Variants in AHNAK observed in about 807,000 individuals in gnomAD.
AHNAK encodes neuroblast differentiation-associated protein AHNAK.
Under a neutral mutation model 37.8 loss-of-function variants are expected in AHNAK, and 23 were observed. That is an observed-to-expected ratio of 0.61 (90% CI 0.44 to 0.86). The LOEUF (loss-of-function observed/expected upper bound fraction) is 0.86, where lower values mean the gene tolerates loss of function less well. Ranked by LOEUF, AHNAK falls within the 40% of genes least tolerant of loss-of-function variation. The pLI, the probability that AHNAK is intolerant of heterozygous loss-of-function variation, is 0.00. For missense variants in AHNAK, 7,411 were observed against 7,319.4 expected, an observed-to-expected ratio of 1.01 and a Z score of -0.46; for synonymous variants, 2,481 against 2,636.3, an observed-to-expected ratio of 0.94 and a Z score of 1.80.
Position 62,521,429 on chromosome 11 carries a change from T to G in AHNAK, c.12988A>C (p.Lys4330Gln). 1 of 1,613,928 alleles carries G rather than the reference T, an allele frequency of 6.2e-7. No homozygotes were observed. The highest frequency in any genetic ancestry group is 8.5e-7 in the Non-Finnish European group (1 of 1,179,980). Reference protein sequence around the residue: ...KMPKFSMPGFKGEGPDVDVTL... With the variant: ...KMPKFSMPGFQGEGPDVDVTL... ...ACATCCACATCTGGGCCCTCTCCTT[T>G]GAATCCTGGCATGCTGAATTTGGGC... Residue 4330 changes from lysine to glutamine, a missense_variant, in exon 5 of 5, where the codon AAA becomes CAA. By Grantham distance (53) the Lys-to-Gln change is moderately conservative. Transcript: ENST00000378024.
In AHNAK at chr11:62,530,949, A is replaced by C. The variant is rs1191515683; in HGVS notation, c.3468T>G (p.Val1156=). The C allele has an allele frequency of 6.2e-7, 1 of 1,613,584 alleles. No individual in the cohort carries two copies. The highest frequency in any genetic ancestry group is 8.5e-7 in the Non-Finnish European group (1 of 1,179,894). The change falls in exon 5 of 5, where the codon GTT becomes GTG. Residue 1156 remains valine, a synonymous_variant. Transcript: ENST00000378024. ...VDVNLPKADV[V]VSGPKVDIEA... is the part of the protein sequence containing the mutation. ...CGATGTCCACCTTGGGTCCTGAGAC[A>C]ACAACGTCAGCCTTAGGCAAGTTCA...
intron 1 of AHNAK, among the ~76,000 whole-genome samples, chr11:62,537,764 C>T (rs1940997909): frequency 6.6e-6 from 1 of 151,674 alleles, no homozygotes; most frequent in Non-Finnish European, 1.5e-5. Flanking sequence ...CTCACTGCAA[C>T]CTCCCCCTCC....
Position 62,530,076 on chromosome 11 carries a change from C to T in AHNAK, c.4341G>A (p.Lys1447=), listed in dbSNP as rs756436637. The T allele has an allele frequency of 9.9e-6, 16 of 1,613,964 alleles. 1 individual carries two copies. In the South Asian group the frequency reaches 1.5e-4, roughly 16 times the overall value. Reference sequence around the variant, plus strand: ...CATCTGGTATGGATATCTTCTGAGGCTTTATACTCATTTCTGGCATCTTGA... The same window carrying T: ...CATCTGGTATGGATATCTTCTGAGGTTTTATACTCATTTCTGGCATCTTGA... ...PKFKMPEMSI[K]PQKISIPDVG... is the part of the protein sequence containing the mutation. The change falls in exon 5 of 5, where the codon AAG becomes AAA. Residue 1447 remains lysine (K), a synonymous_variant. Coordinates refer to ENST00000378024, the MANE Select transcript of AHNAK (RefSeq NM_001620.3).
chr11:62,453,701 G>A (rs1175129637), intron 5 of AHNAK, among the ~76,000 whole-genome samples: 1 of 152,196 alleles, frequency 6.6e-6, no homozygotes, highest in South Asian at 2.1e-4. Context: ...TGAATTCTAG[G>A]TCTGAATTTA....
chr11:62,493,015 T>TCTTTTCTTTTC (rs780293765), intron 4 of AHNAK, among the ~76,000 whole-genome samples: 7 of 138,004 alleles, frequency 5.1e-5, no homozygotes, highest in African/African-American at 2.2e-4. Flanking sequence ...TCTTTTCTTT[T>TCTTTTCTTTTC]TTTTTTTTTT....
At chr11:62,436,163 C>A (rs1358472687) in intron 5 of AHNAK, among the ~76,000 whole-genome samples, 1 of 152,156 alleles carries the variant, frequency 6.6e-6, no homozygotes, top group African/African-American at 2.4e-5. Flanking sequence ...GTTGCAGGCT[C>A]TTTTCCTGAT....
chr11:62,452,380 C>T (rs374522940), intron 5 of AHNAK, among the ~76,000 whole-genome samples: 2 of 152,190 alleles, frequency 1.3e-5, no homozygotes, highest in Non-Finnish European at 2.9e-5. Flanking sequence ...ACTCGTGCTA[C>T]TCAGCCTATT....
chr11:62,521,999 C>T lies in AHNAK; in HGVS notation c.12418G>A (p.Gly4140Ser), dbSNP rs1264222366. Residue 4140 changes from glycine to serine, a missense_variant, in exon 5 of 5, where the codon GGT becomes AGT. Physicochemically the swap from Gly to Ser is moderately conservative, Grantham distance 56. Coordinates refer to ENST00000378024, the MANE Select transcript of AHNAK (RefSeq NM_001620.3). The part of the protein sequence containing the change: ...SMPEVDLNLK[G>S]PKMKGDVDVS... Reference sequence around the variant, plus strand: ...TCCACGTCGCCCTTCATCTTTGGACCTTTCAGATTCAGGTCAACTTCAGGC... The same window carrying T: ...TCCACGTCGCCCTTCATCTTTGGACTTTTCAGATTCAGGTCAACTTCAGGC... 4 of 1,613,716 alleles carry T rather than the reference C, an allele frequency of 2.5e-6. No individual in the cohort carries two copies. Among genetic ancestry groups the T allele is most frequent in the Non-Finnish European group, 2.5e-6 (3 of 1,180,008 alleles).
intron 4 of AHNAK, among the ~76,000 whole-genome samples, chr11:62,499,303 C>T (rs573592720): frequency 4.6e-5 from 7 of 152,308 alleles, no homozygotes; most frequent in Admixed American, 2.6e-4. Context: ...AATCCCAGCA[C>T]TTTGGGAGGC....
At chr11:62,465,575 T>G (rs140240469) in intron 5 of AHNAK, among the ~76,000 whole-genome samples, 7 of 152,042 alleles carry the variant, frequency 4.6e-5, no homozygotes, top group African/African-American at 7.2e-5. Context: ...ATCGTGCCAT[T>G]GCACTCCAGC....
At chr11:62,462,473 AT>A (rs1256267208) in intron 5 of AHNAK, among the ~76,000 whole-genome samples, 1 of 152,162 alleles carries the variant, frequency 6.6e-6, no homozygotes, top group Non-Finnish European at 1.5e-5. Flanking sequence ...TGATTTACAT[AT>A]TTTATGAAGT....
intron 5 of AHNAK, among the ~76,000 whole-genome samples, chr11:62,439,346 T>G (rs1938249786): frequency 6.6e-6 from 1 of 151,952 alleles, no homozygotes; most frequent in African/African-American, 2.4e-5. Flanking sequence ...TCCGCCCACC[T>G]CGGCCTCCCA....
Position 62,518,143 on chromosome 11 carries a change from T to G in AHNAK, c.16274A>C (p.Lys5425Thr). 1 of 1,614,200 alleles carries G rather than the reference T, an allele frequency of 6.2e-7. No homozygotes were observed. The highest frequency in any genetic ancestry group is 1.1e-5 in the South Asian group (1 of 91,086). ...TPGSDLHVNA[K>T]GPQVSGELKG... ...CAGTTCGCCAGAAACCTGTGGCCCC[T>G]TGGCATTGACGTGCAAGTCGGACCC... Residue 5425 changes from lysine (K) to threonine (T), a missense_variant, in exon 5 of 5, where the codon AAG becomes ACG. Lys to Thr is a moderately conservative substitution (Grantham distance 78, BLOSUM62 -1). Coordinates refer to ENST00000378024, the MANE Select transcript of AHNAK (RefSeq NM_001620.3).
intron 4 of AHNAK, among the ~76,000 whole-genome samples, chr11:62,498,174 G>A (rs1196618721): frequency 6.6e-6 from 1 of 152,036 alleles, no homozygotes; most frequent in Non-Finnish European, 1.5e-5. Context: ...TGGTTTTATG[G>A]GTTTTGTTGT....
chr11:62,482,458 CT>C (rs1359539943), intron 5 of AHNAK, among the ~76,000 whole-genome samples: 4 of 152,136 alleles, frequency 2.6e-5, no homozygotes, highest in African/African-American at 7.2e-5. Context: ...TGGAGCCCCC[CT>C]GGGTTCAAAT....
At chr11:62,539,316 G>A (rs1941050632) in intron 1 of AHNAK, among the ~76,000 whole-genome samples, 1 of 152,204 alleles carries the variant, frequency 6.6e-6, no homozygotes, top group Non-Finnish European at 1.5e-5. Context: ...AGATCGCCCA[G>A]ACACCCCTGT....
In AHNAK at chr11:62,518,795, T is replaced by C; in HGVS notation, c.15622A>G (p.Ile5208Val). ...DVNVNLKGPKIKGDVPSVGLE... is the reference protein window; with the variant it reads ...DVNVNLKGPKVKGDVPSVGLE... ...CCCACGCTGGGGACATCACCCTTTATCTTTGGTCCTTTCAAGTTTACATTC... is the reference window on the plus strand; with the variant it reads ...CCCACGCTGGGGACATCACCCTTTACCTTTGGTCCTTTCAAGTTTACATTC... The change falls in exon 5 of 5, where the codon ATA becomes GTA. Residue 5208 changes from isoleucine to valine, a missense_variant. Coordinates refer to ENST00000378024, the MANE Select transcript of AHNAK (RefSeq NM_001620.3). 2 of 1,614,236 alleles carry C rather than the reference T, an allele frequency of 1.2e-6. No homozygotes were observed. The highest frequency in any genetic ancestry group is 1.7e-6 in the Non-Finnish European group (2 of 1,180,040).
At chr11:62,534,954 G>C in intron 4 of AHNAK, 49 bp downstream of exon 4, 1 of 1,575,528 alleles carries the variant, frequency 6.3e-7, no homozygotes. Flanking sequence ...TCAGCAGGCC[G>C]GCATGGCCGG....
intron 4 of AHNAK, among the ~76,000 whole-genome samples, chr11:62,499,732 T>C (rs895760392): frequency 6.6e-6 from 1 of 152,204 alleles, no homozygotes; most frequent in African/African-American, 2.4e-5. Context: ...CCTTCTGGCA[T>C]GAGGCCACGT....
Sources: allele counts gnomAD v4.1 joint callset (sites outside exome capture counted in the v4.1 genomes callset), GRCh38; gene constraint gnomAD v4.1.1; transcripts MANE v1.5; gene names NCBI Gene and HGNC (gene_info 2026-07-23, HGNC 2026-07-21).